Variants in KIF13A observed in about 807,000 individuals in gnomAD.
KIF13A encodes kinesin family member 13A.
In KIF13A, 79 loss-of-function variants were observed where a neutral mutation model predicts 212.2. The observed-to-expected ratio is 0.37, with a 90% CI of 0.31 to 0.45. The LOEUF is 0.45. Among genes scored for constraint, KIF13A ranks in the 20% least tolerant of loss-of-function variants. The pLI is 1.00. For synonymous variants in KIF13A, 789 were observed against 808.6 expected (o/e 0.98, Z 0.41); for missense variants, 1,901 against 2,209.0 (o/e 0.86, Z 2.79).
intron 19 of KIF13A, 96 bp downstream of exon 19, chr6:17,805,379 G>T (rs1175084003): frequency 2.7e-5 from 6 of 220,568 alleles, no homozygotes; most frequent in Non-Finnish European, 5.0e-5. Context: ...CCGTGTGTGT[G>T]TGTGTGTGTG....
chr6:17,987,393 G>A lies in KIF13A; in HGVS notation c.55+16C>T. ...TCAGCCCGAGCAGAAATAAAAAAGA[G>A]CGGAAAGCTCCTCACCTCGTCGGTT... On this transcript the variant is annotated intron_variant, in intron 1 of 38. Transcript: ENST00000259711. The surrounding 1 kb of genome is among the most constrained non-coding windows in gnomAD (Gnocchi z 7.7). The A allele has an allele frequency of 7.3e-7, 1 of 1,361,490 alleles. No individual in the cohort carries two copies. The highest frequency in any genetic ancestry group is 9.7e-7 in the Non-Finnish European group (1 of 1,028,424). The allele number at this position is 1,361,490 out of a possible 1,614,324, so 84.3% of individuals were successfully genotyped here. A position where few individuals can be genotyped will look rare whatever the true frequency, so the allele number is the denominator to read the frequency against.
intron 9 of KIF13A, among the ~76,000 whole-genome samples, chr6:17,846,472 T>C (rs538136706): frequency 1.3e-5 from 2 of 152,032 alleles, no homozygotes; most frequent in African/African-American, 2.4e-5. Flanking sequence ...AGAGACAGTA[T>C]GTAAATAAGA....
chr6:17,930,805 A>G (rs1775920554), intron 2 of KIF13A, among the ~76,000 whole-genome samples: 1 of 152,206 alleles, frequency 6.6e-6, no homozygotes. Context: ...AGTTCACTTG[A>G]TCATTGTGAA....
chr6:17,791,459 G>GA (rs150482830), intron 25 of KIF13A, among the ~76,000 whole-genome samples: 5 of 144,544 alleles, frequency 3.5e-5, no homozygotes, highest in South Asian at 4.3e-4. Context: ...TGGCAGCAAA[G>GA]AAAAAAAAAG....
At chr6:17,866,494 T>C (rs1769382227) in intron 4 of KIF13A, among the ~76,000 whole-genome samples, 1 of 152,108 alleles carries the variant, frequency 6.6e-6, no homozygotes, top group African/African-American at 2.4e-5. Context: ...TTACCAATGC[T>C]TTCAGTGCTC....
At chr6:17,813,596 TTTA>T (rs1763627068) in intron 17 of KIF13A, among the ~76,000 whole-genome samples, 1 of 151,998 alleles carries the variant, frequency 6.6e-6, no homozygotes, top group Non-Finnish European at 1.5e-5. Context: ...CTTCTCTTCA[TTTA>T]ACATTAACAA....
rs1447062374 is a variant in KIF13A, at chr6:17,787,998, T to G, written c.3262-123A>C. The G allele has an allele frequency of 1.1e-5, 7 of 646,040 alleles. No individual in the cohort carries two copies. Among genetic ancestry groups the G allele is most frequent in the Non-Finnish European group, 1.7e-5 (6 of 360,960 alleles). 40.0% of individuals were successfully genotyped at this position (646,040 alleles called of 1,614,324 possible). On this transcript the variant is annotated intron_variant, in intron 26 of 38. Transcript: ENST00000259711. This position sits in a 1 kb window ranked among gnomAD's most constrained non-coding sequence, Gnocchi z 4.6. ...TTCATTAGGAAAAGCTGTTGAACAT[T>G]GCTGTGTGATTAATATGCAAGAAAG...
rs1424744454 is a variant in KIF13A, at chr6:17,829,385, TA to T, written c.1402-1016del. Among the ~76,000 whole-genome samples, 4 of 152,222 alleles carry T rather than the reference TA, an allele frequency of 2.6e-5. No homozygotes were observed. The highest frequency in any genetic ancestry group is 5.9e-5 in the Non-Finnish European group (4 of 68,026). On this transcript the variant is annotated intron_variant, in intron 13 of 38. Coordinates refer to ENST00000259711, the MANE Select transcript of KIF13A (RefSeq NM_022113.6). This position sits in a 1 kb window ranked among gnomAD's most constrained non-coding sequence, Gnocchi z 5.4. Reference sequence around the variant, plus strand: ...CCAAACAACATGTTCGTGTTTATATTAAAGTAGTTTTGACCTCACAGGCCTC... The same window carrying T: ...CCAAACAACATGTTCGTGTTTATATTAAGTAGTTTTGACCTCACAGGCCTC...
intron 6 of KIF13A, among the ~76,000 whole-genome samples, chr6:17,854,614 G>C (rs1339366318): frequency 7.9e-6 from 1 of 125,974 alleles, no homozygotes; most frequent in Non-Finnish European, 1.6e-5. Flanking sequence ...GGAGTGCAGT[G>C]GCGTGATCTC....
At chr6:17,817,453 CCTCTACGTT>C (rs1764049343) in intron 16 of KIF13A, among the ~76,000 whole-genome samples, 1 of 152,170 alleles carries the variant, frequency 6.6e-6, no homozygotes, top group Non-Finnish European at 1.5e-5. Flanking sequence ...TTCTCCACAT[CCTCTACGTT>C]ACTTTCTTCA....
rs1164945424 is a variant in KIF13A at position 17,829,370 on chromosome 6, T to C, written c.1402-1000A>G. On this transcript the variant is annotated intron_variant, in intron 13 of 38. Transcript: ENST00000259711. The surrounding 1 kb of genome is among the most constrained non-coding windows in gnomAD (Gnocchi z 5.4). ...AATGAGAGAGCAGAGCCAAACAACA[T>C]GTTCGTGTTTATATTAAAGTAGTTT... Among the ~76,000 whole-genome samples, 6 of 152,210 alleles carry C rather than the reference T, an allele frequency of 3.9e-5. No individual in the cohort carries two copies. Among genetic ancestry groups the C allele is most frequent in the Non-Finnish European group, 5.9e-5 (4 of 68,046 alleles).
chr6:17,960,556 G>A (rs1192277292), intron 2 of KIF13A, among the ~76,000 whole-genome samples: 1 of 152,162 alleles, frequency 6.6e-6, no homozygotes, highest in African/African-American at 2.4e-5. Flanking sequence ...ATTACCCAAA[G>A]AGGGATCCTC....
chr6:17,846,840 A>C (rs1230919458), intron 9 of KIF13A, among the ~76,000 whole-genome samples: 1 of 152,198 alleles, frequency 6.6e-6, no homozygotes, highest in African/African-American at 2.4e-5. Flanking sequence ...GCTGCCTGGC[A>C]AACAGAATGC....
In KIF13A at chr6:17,918,584, T is replaced by C. The variant is rs1191894193; in HGVS notation, c.147-20404A>G. On this transcript the variant is annotated intron_variant, in intron 2 of 38. Transcript: ENST00000259711. This position sits in a 1 kb window ranked among gnomAD's most constrained non-coding sequence, Gnocchi z 4.8. ...ACTTCTGGGTCTCAGCAGGTATGTG[T>C]GTCGAGTTATCTAAATGGACCTTGT... 6.6e-6 allele frequency among the ~76,000 whole-genome samples: 1 copy of C among 152,204 alleles called. No individual in the cohort carries two copies. The highest frequency in any genetic ancestry group is 1.5e-5 in the Non-Finnish European group (1 of 68,036).
At position 17,772,930 on chromosome 6, in the gene KIF13A, G is replaced by A. The variant is rs1484580068; in HGVS notation, c.4324+548C>T. Among the ~76,000 whole-genome samples the A allele has an allele frequency of 2.0e-5, 3 of 151,868 alleles. No individual in the cohort carries two copies. The highest frequency in any genetic ancestry group is 1.3e-4 in the Admixed American group (2 of 15,230). ...CTTTCCAATTTGTTAGTATAATGGC[G>A]AATATACCTTATATTTTACCTACTA... On this transcript the variant is annotated intron_variant, in intron 36 of 38. Transcript: ENST00000259711. This position sits in a 1 kb window ranked among gnomAD's most constrained non-coding sequence, Gnocchi z 4.8.
chr6:17,868,102 A>C (rs1028620603), intron 4 of KIF13A, among the ~76,000 whole-genome samples: 2 of 152,280 alleles, frequency 1.3e-5, no homozygotes, highest in African/African-American at 4.8e-5. Context: ...ACATTTGAGC[A>C]ACATGCCATA....
chr6:17,789,741 CA>C lies in KIF13A; in HGVS notation c.3261+130del. ...GTGTTTGAATACATATAAAGCAAAT[CA>C]AAAGCAAGTGAAAAACTGCATATTC... On this transcript the variant is annotated intron_variant, in intron 26 of 38. Transcript: ENST00000259711. This position sits in a 1 kb window ranked among gnomAD's most constrained non-coding sequence, Gnocchi z 4.8. 3.0e-6 allele frequency: 2 copies of C among 659,222 alleles called. No individual in the cohort carries two copies. The highest frequency in any genetic ancestry group is 3.2e-5 in the Admixed American group (1 of 31,612). 40.8% of individuals were successfully genotyped at this position (659,222 alleles called of 1,614,324 possible).
At chr6:17,942,335 A>AATATATATATAT (rs10599616) in intron 2 of KIF13A, among the ~76,000 whole-genome samples, 1 of 145,544 alleles carries the variant, frequency 6.9e-6, no homozygotes, top group Non-Finnish European at 1.5e-5. Context: ...AACAACAACA[A>AATATATATATAT]ATATATATAT....
rs552524774 is a variant in KIF13A, at chr6:17,768,092, T to C, written c.4581+3022A>G. On this transcript the variant is annotated intron_variant, in intron 38 of 38. Transcript: ENST00000259711. The surrounding 1 kb of genome is among the most constrained non-coding windows in gnomAD (Gnocchi z 5.4). ...TACTTAAAAGGAGATTGAATGTTTA[T>C]TGAGTTATTGCCAATTAAGGGAGGA... 7.9e-5 allele frequency among the ~76,000 whole-genome samples: 12 copies of C among 152,338 alleles called. No homozygotes were observed. The highest frequency in any genetic ancestry group is 1.9e-4 in the East Asian group (1 of 5,186).
Sources: allele counts gnomAD v4.1 joint callset (sites outside exome capture counted in the v4.1 genomes callset), GRCh38; gene constraint gnomAD v4.1.1; non-coding constraint Gnocchi (gnomAD v3.1); transcripts MANE v1.5; gene names NCBI Gene and HGNC (gene_info 2026-07-23, HGNC 2026-07-21).